The following PTPRG variants were observed in gnomAD, a reference collection of about 807,000 sequenced individuals.
PTPRG encodes receptor-type tyrosine-protein phosphatase gamma.
Under a neutral mutation model 165.3 loss-of-function variants are expected in PTPRG, and 102 were observed. The observed-to-expected ratio is 0.62, with a 90% CI of 0.53 to 0.73. PTPRG has a LOEUF of 0.73. Among genes scored for constraint, PTPRG ranks in the 30% least tolerant of loss-of-function variants. PTPRG has a pLI of 0.00. For missense variants in PTPRG, 1,866 were observed against 1,861.4 expected (o/e 1.00, Z -0.05); for synonymous variants, 675 against 669.5 (o/e 1.01, Z -0.13).
chr3:61,843,648 T>C (rs2036716727), intron 2 of PTPRG, among the ~76,000 whole-genome samples: 1 of 152,192 alleles, frequency 6.6e-6, no homozygotes, highest in Non-Finnish European at 1.5e-5. Context: ...AATTTTCTTC[T>C]CTTTTTTTAC....
At chr3:62,085,943 T>G (rs1006267972) in intron 5 of PTPRG, among the ~76,000 whole-genome samples, 3 of 152,212 alleles carry the variant, frequency 2.0e-5, no homozygotes, top group Non-Finnish European at 4.4e-5. Context: ...CAAAAGTAGC[T>G]TCATTTTATC....
intron 1 of PTPRG, among the ~76,000 whole-genome samples, chr3:61,657,270 T>C (rs1288711850): frequency 6.6e-6 from 1 of 152,106 alleles, no homozygotes; most frequent in African/African-American, 2.4e-5. Flanking sequence ...GTGGAGGACC[T>C]CTCTAGAATG....
intron 1 of PTPRG, among the ~76,000 whole-genome samples, chr3:61,676,261 TC>T (rs1327088471): frequency 6.6e-6 from 1 of 150,810 alleles, no homozygotes; most frequent in Non-Finnish European, 1.5e-5. Context: ...ATCGAGACCA[TC>T]CTGGCTAACA....
intron 2 of PTPRG, among the ~76,000 whole-genome samples, chr3:61,851,180 G>A (rs546796243): frequency 1.3e-5 from 2 of 152,280 alleles, no homozygotes; most frequent in East Asian, 3.9e-4. Flanking sequence ...CTTAGTTTAA[G>A]CAAAGATGGA....
intron 2 of PTPRG, among the ~76,000 whole-genome samples, chr3:61,808,282 G>A (rs1330876609): frequency 3.9e-5 from 6 of 152,214 alleles, no homozygotes; most frequent in Admixed American, 3.3e-4. Context: ...TTTAAGTGGA[G>A]AAGTTACAAA....
At chr3:61,572,332 T>TA (rs1296466871) in intron 1 of PTPRG, among the ~76,000 whole-genome samples, 1 of 152,200 alleles carries the variant, frequency 6.6e-6, no homozygotes, top group Non-Finnish European at 1.5e-5. Flanking sequence ...TCAACAAAGT[T>TA]ATGTGTATAG....
chr3:62,186,136 C>A (rs1053806635), intron 8 of PTPRG, among the ~76,000 whole-genome samples: 6 of 152,102 alleles, frequency 3.9e-5, no homozygotes, highest in African/African-American at 1.4e-4. Context: ...GCCCCAGTCG[C>A]CAAGCATCGG....
At position 62,292,455 on chromosome 3, in the gene PTPRG, C is replaced by T. The variant is rs1358317554; in HGVS notation, c.4090C>T (p.Leu1364Phe). 4 of 1,613,406 alleles carry T rather than the reference C, an allele frequency of 2.5e-6. No homozygotes were observed. In the Admixed American group the frequency reaches 6.7e-5, roughly 27 times the overall value. The change falls in exon 29 of 30, where the codon CTT becomes TTT. Residue 1364 changes from leucine to phenylalanine, a missense_variant. This residue lies in a region of PTPRG where 1,452 missense variants were observed against 1,463.0 expected (regional missense o/e 0.99). Transcript: ENST00000474889. ...GAVSAGMLCA[L>F]TTLSQQLENE... is the part of the protein sequence containing the mutation. ...AGTTTCAGCAGGAATGTTATGTGCCCTTACCACCCTGTCCCAGCAACTGGA... is the reference window on the plus strand; with the variant it reads ...AGTTTCAGCAGGAATGTTATGTGCCTTTACCACCCTGTCCCAGCAACTGGA...
At chr3:61,767,031 G>A (rs1401057166) in intron 2 of PTPRG, among the ~76,000 whole-genome samples, 2 of 151,576 alleles carry the variant, frequency 1.3e-5, no homozygotes, top group Admixed American at 1.3e-4. Context: ...ATGACTTGAG[G>A]TCAGGAGTTC....
chr3:61,588,324 CTT>C (rs1452119118), intron 1 of PTPRG, among the ~76,000 whole-genome samples: 1 of 152,080 alleles, frequency 6.6e-6, no homozygotes, highest in African/African-American at 2.4e-5. Context: ...CAGTTGTACT[CTT>C]ATACTGATGT....
rs561175577 is a variant in PTPRG, at chr3:61,667,258, G to T, written c.86-81620G>T. 1.4e-4 allele frequency among the ~76,000 whole-genome samples: 22 copies of T among 152,184 alleles called. No individual in the cohort carries two copies. The East Asian group carries it at 4.2e-3, about 29-fold the overall frequency. On this transcript the variant is annotated intron_variant, in intron 1 of 29. Transcript: ENST00000474889. ...TTTGGATTGCATAGCTTATGGATTT[G>T]GTGGGACATTCTAACCTCGATGTAT...
chr3:62,044,814 C>T (rs1485843957), intron 4 of PTPRG, among the ~76,000 whole-genome samples: 1 of 152,130 alleles, frequency 6.6e-6, no homozygotes, highest in Non-Finnish European at 1.5e-5. Context: ...GAATTAATTA[C>T]CCTTCTGTAT....
At chr3:62,148,677 A>G (rs1704210910) in intron 6 of PTPRG, among the ~76,000 whole-genome samples, 1 of 152,102 alleles carries the variant, frequency 6.6e-6, no homozygotes, top group South Asian at 2.1e-4. Context: ...GCAGACGATC[A>G]CTTGAACTCA....
intron 2 of PTPRG, among the ~76,000 whole-genome samples, chr3:61,925,036 G>A (rs1019608199): frequency 6.6e-6 from 1 of 152,118 alleles, no homozygotes; most frequent in African/African-American, 2.4e-5. Flanking sequence ...CTGGTCCCCT[G>A]ATTTTGGACT....
chr3:61,896,239 A>G (rs888859977), intron 2 of PTPRG, among the ~76,000 whole-genome samples: 4 of 152,180 alleles, frequency 2.6e-5, no homozygotes, highest in African/African-American at 9.6e-5. Flanking sequence ...TAACTCCTAG[A>G]AACCTCTAAT....
At chr3:62,280,762 G>A (rs911732606) in intron 26 of PTPRG, among the ~76,000 whole-genome samples, 10 of 151,964 alleles carry the variant, frequency 6.6e-5, no homozygotes, top group Admixed American at 5.3e-4. Flanking sequence ...TTGCACTCCC[G>A]TTCATTGCAG....
At chr3:61,989,923 A>C in intron 3 of PTPRG, 119 bp downstream of exon 3, 1 of 1,071,924 alleles carries the variant, frequency 9.3e-7, no homozygotes, top group Non-Finnish European at 1.3e-6. Context: ...GGGGAGCCTA[A>C]ATCAGTCCTT....
chr3:61,578,100 A>G (rs560567951), intron 1 of PTPRG, among the ~76,000 whole-genome samples: 2 of 152,348 alleles, frequency 1.3e-5, no homozygotes, highest in African/African-American at 2.4e-5. Context: ...GTAGACATTT[A>G]GCAGAGTTCC....
chr3:62,027,313 C>T (rs2041828379), intron 4 of PTPRG, among the ~76,000 whole-genome samples: 1 of 152,112 alleles, frequency 6.6e-6, no homozygotes, highest in African/African-American at 2.4e-5. Context: ...TGCCGTGTCT[C>T]CAGAGTGGTG....
Sources: gnomAD v4.1 joint callset for allele counts (sites outside exome capture counted in the v4.1 genomes callset) on GRCh38, gnomAD v4.1.1 for gene constraint, gnomAD v4.1.1 regional missense constraint, MANE v1.5 for transcripts, NCBI Gene and HGNC (gene_info 2026-07-23, HGNC 2026-07-21) for gene names.